Variants in RUNX1T1 observed in about 807,000 individuals in gnomAD.
RUNX1T1 encodes RUNX1 partner transcriptional co-repressor 1, also known as protein CBFA2T1.
A neutral mutation model predicts 62.8 loss-of-function variants in RUNX1T1; 4 were observed. The ratio of observed to expected loss-of-function variants is 0.06; its 90% confidence interval spans 0.03 to 0.15. The LOEUF (loss-of-function observed/expected upper bound fraction) is 0.15. Among genes scored for constraint, RUNX1T1 ranks in the 10% least tolerant of loss-of-function variants. The pLI, the probability that RUNX1T1 is intolerant of heterozygous loss-of-function variation, is 1.00. For missense variants in RUNX1T1, 508 were observed against 754.3 expected (o/e 0.67, Z 3.82); for synonymous variants, 291 against 286.0 (o/e 1.02, Z -0.18).
chr8:92,050,181 T>A (rs1454120454), intron 1 of RUNX1T1, among the ~76,000 whole-genome samples: 1 of 152,094 alleles, frequency 6.6e-6, no homozygotes, highest in East Asian at 1.9e-4. Flanking sequence ...GAAGAAGAAA[T>A]CAGGGGGAGG....
intron 1 of RUNX1T1, among the ~76,000 whole-genome samples, chr8:92,090,434 TCAACAA>T (rs1004927765): frequency 6.6e-6 from 1 of 151,846 alleles, no homozygotes; most frequent in East Asian, 1.9e-4. Flanking sequence ...CTGGATAAGT[TCAACAA>T]CAACAACAAC....
intron 10 of RUNX1T1, among the ~76,000 whole-genome samples, chr8:91,966,489 G>C (rs1272634762): frequency 2.0e-5 from 3 of 152,134 alleles, no homozygotes; most frequent in Admixed American, 6.5e-5. Flanking sequence ...ATCTGTTTCT[G>C]TGCTCACTTG....
intron 4 of RUNX1T1, among the ~76,000 whole-genome samples, chr8:92,007,398 T>C (rs1167610859): frequency 1.3e-5 from 2 of 151,144 alleles, no homozygotes; most frequent in Non-Finnish European, 2.9e-5. Context: ...AACCAGGAGA[T>C]GGAGGTTGCA....
chr8:92,063,162 A>G (rs1259939514), upstream of RUNX1T1, among the ~76,000 whole-genome samples: 1 of 152,098 alleles, frequency 6.6e-6, no homozygotes, highest in African/African-American at 2.4e-5. Context: ...CAAACAGCCT[A>G]CAAACATTTT....
chr8:91,976,112 T>G, intron 8 of RUNX1T1, 139 bp from the exon 10 acceptor site: 1 of 606,700 alleles, frequency 1.6e-6, no homozygotes, highest in Non-Finnish European at 3.0e-6. Flanking sequence ...GCTAAACATT[T>G]CACTTCTTGA....
intron 1 of RUNX1T1, among the ~76,000 whole-genome samples, chr8:92,038,201 C>T (rs1407683934): frequency 1.3e-5 from 2 of 152,256 alleles, no homozygotes; most frequent in African/African-American, 4.8e-5. Context: ...AGGCATGTGC[C>T]ACCACACCCA....
At chr8:92,004,790 A>C (rs1820423310) in intron 5 of RUNX1T1, 1 of 212,450 alleles carries the variant, frequency 4.7e-6, no homozygotes, top group Non-Finnish European at 9.3e-6. Context: ...AAATTACATA[A>C]TGAATGAGAA....
chr8:92,073,313 T>C (rs1029164132), intron 2 of RUNX1T1, among the ~76,000 whole-genome samples: 1 of 152,130 alleles, frequency 6.6e-6, no homozygotes, highest in South Asian at 2.1e-4. Flanking sequence ...AGCGTTCTCA[T>C]TTTACCAGCT....
intron 10 of RUNX1T1, 32 bp from the exon 12 acceptor site, chr8:91,960,549 C>T: frequency 6.2e-7 from 1 of 1,606,870 alleles, no homozygotes. Flanking sequence ...AGCAAGATCC[C>T]AAGTTAATAC....
At chr8:91,969,393 G>GTT (rs1038782251) in intron 10 of RUNX1T1, among the ~76,000 whole-genome samples, 1 of 152,166 alleles carries the variant, frequency 6.6e-6, no homozygotes, top group Non-Finnish European at 1.5e-5. Flanking sequence ...GAAAGTGACA[G>GTT]TTTTAATGAT....
intron 3 of RUNX1T1, among the ~76,000 whole-genome samples, chr8:92,013,093 A>C (rs925020001): frequency 6.6e-6 from 1 of 152,196 alleles, no homozygotes; most frequent in African/African-American, 2.4e-5. Flanking sequence ...GCTAAGAACA[A>C]CACATTCACC....
chr8:92,075,074 T>C (rs772902083), intron 2 of RUNX1T1, among the ~76,000 whole-genome samples: 41 of 152,204 alleles, frequency 2.7e-4, no homozygotes, highest in Non-Finnish European at 2.1e-4. Context: ...ATGCTAGCAG[T>C]GATGTTTCCA....
At chr8:92,075,130 C>A (rs1318899597) in intron 2 of RUNX1T1, among the ~76,000 whole-genome samples, 1 of 152,230 alleles carries the variant, frequency 6.6e-6, no homozygotes, top group Admixed American at 6.5e-5. Flanking sequence ...CCTCTTTCTA[C>A]GTAGTCAGTC....
At chr8:92,000,481 A>G (rs1819553430) in intron 5 of RUNX1T1, among the ~76,000 whole-genome samples, 1 of 152,176 alleles carries the variant, frequency 6.6e-6, no homozygotes, top group Non-Finnish European at 1.5e-5. Context: ...TTTTTCATAG[A>G]AAACCGAATG....
chr8:91,965,940 T>A (rs1811507076), intron 10 of RUNX1T1, among the ~76,000 whole-genome samples: 2 of 151,996 alleles, frequency 1.3e-5, no homozygotes, highest in South Asian at 4.2e-4. Flanking sequence ...CTCATCTCAT[T>A]GGCACCTCTC....
In RUNX1T1 at chr8:91,960,548, C is replaced by T. The variant is rs371430174; in HGVS notation, c.1459-31G>A. The T allele has an allele frequency of 5.9e-5, 95 of 1,608,732 alleles. No homozygotes were observed. In the African/African-American group the frequency reaches 1.2e-3, roughly 20 times the overall value. ...GGAGAAGGCAGAAGAAAGCAAGATC[C>T]CAAGTTAATACACTGTTAAGACAAT... On this transcript the variant is annotated intron_variant, in intron 10 of 10. Transcript: ENST00000396218.
intron 1 of RUNX1T1, among the ~76,000 whole-genome samples, chr8:92,088,426 C>G (rs1424635496): frequency 6.6e-6 from 1 of 152,184 alleles, no homozygotes; most frequent in Non-Finnish European, 1.5e-5. Context: ...AATCAACTTC[C>G]CAAGACTGCA....
rs113019970 is a variant in RUNX1T1, at chr8:92,090,190, CT to C, written c.-86+9389del. 3.1e-3 allele frequency among the ~76,000 whole-genome samples: 443 copies of C among 141,212 alleles called. 2 individuals are homozygous for C. The highest frequency in any genetic ancestry group is 5.2e-3 in the South Asian group (23 of 4,418). 92.6% of individuals were successfully genotyped at this position (141,212 alleles called of 152,430 possible). A position where few individuals can be genotyped will look rare whatever the true frequency, so the allele number is the denominator to read the frequency against. On this transcript the variant is annotated intron_variant, in intron 1 of 11. Coordinates refer to the RUNX1T1 transcript ENST00000265814. ...AGCGACTGCACACAGACACCAGGTC[CT>C]TTTTTTTTTTTTTCTAATACGGAGA...
chr8:92,073,378 C>CAA (rs1833965083), intron 2 of RUNX1T1, among the ~76,000 whole-genome samples: 1 of 152,172 alleles, frequency 6.6e-6, no homozygotes, highest in South Asian at 2.1e-4. Context: ...CTCCTGCCCC[C>CAA]CAGCCTCTGC....
Sources: allele counts gnomAD v4.1 joint callset (sites outside exome capture counted in the v4.1 genomes callset), GRCh38; gene constraint gnomAD v4.1.1; transcripts MANE v1.5; gene names NCBI Gene and HGNC (gene_info 2026-07-23, HGNC 2026-07-21).